PTPRK: variants seen among roughly 807,000 people sequenced by gnomAD.
PTPRK encodes the protein protein tyrosine phosphatase receptor type K, also known as receptor-type tyrosine-protein phosphatase kappa.
A neutral mutation model predicts 178.0 loss-of-function variants in PTPRK; 75 were observed. The observed-to-expected ratio is 0.42, with a 90% CI of 0.35 to 0.51. PTPRK has a LOEUF of 0.51. Among genes scored for constraint, PTPRK ranks in the 20% least tolerant of loss-of-function variants. PTPRK has a pLI of 0.02. For missense variants in PTPRK, 1,441 were observed against 1,797.8 expected (o/e 0.80, Z 3.59); for synonymous variants, 637 against 620.6 (o/e 1.03, Z -0.39).
At chr6:128,465,534 G>T (rs1205845325) in intron 1 of PTPRK, among the ~76,000 whole-genome samples, 2 of 152,070 alleles carry the variant, frequency 1.3e-5, no homozygotes, top group African/African-American at 4.8e-5. Context: ...AAGTTCCAAA[G>T]GTGAAGCTTG....
At position 128,401,753 on chromosome 6, in the gene PTPRK, A is replaced by G. The variant is rs1270999495; in HGVS notation, c.101-4065T>C. ...AAGAACAAGCTTTATTTAGCTGAAG[A>G]TATGAAGCATTTTCTTAAATTTTTG... On this transcript the variant is annotated intron_variant, in intron 1 of 29. Transcript: ENST00000368226. 2.0e-5 allele frequency among the ~76,000 whole-genome samples: 3 copies of G among 152,310 alleles called. No homozygotes were observed. In the East Asian group the frequency reaches 5.8e-4, roughly 29 times the overall value.
At chr6:128,405,558 G>T (rs17055830) in intron 1 of PTPRK, among the ~76,000 whole-genome samples, 5,664 of 152,156 alleles carry the variant, frequency 0.037, 375 homozygotes, top group African/African-American at 0.13. Flanking sequence ...ATTCTCAACT[G>T]AAGCCATATT....
chr6:127,979,201 A>T (rs1014936703), intron 25 of PTPRK, among the ~76,000 whole-genome samples: 1 of 152,170 alleles, frequency 6.6e-6, no homozygotes, highest in Non-Finnish European at 1.5e-5. Flanking sequence ...ACTTGAGCCC[A>T]GGAGATTGAG....
intron 13 of PTPRK, among the ~76,000 whole-genome samples, chr6:128,033,641 G>T (rs1370330309): frequency 6.6e-6 from 1 of 152,160 alleles, no homozygotes; most frequent in East Asian, 1.9e-4. Flanking sequence ...AGAGGCCAGG[G>T]TGAGAGGATT....
chr6:128,271,120 T>C (rs1463222830), intron 3 of PTPRK, among the ~76,000 whole-genome samples: 1 of 152,054 alleles, frequency 6.6e-6, no homozygotes, highest in African/African-American at 2.4e-5. Flanking sequence ...GGGAGGGGGA[T>C]AGAGGCTGCA....
At chr6:128,234,018 G>A (rs1382905673) in intron 5 of PTPRK, among the ~76,000 whole-genome samples, 1 of 152,164 alleles carries the variant, frequency 6.6e-6, no homozygotes, top group African/African-American at 2.4e-5. Context: ...GGCTCTATTT[G>A]ATTTACCCTG....
chr6:128,087,822 T>C (rs1786177968), intron 8 of PTPRK, among the ~76,000 whole-genome samples: 1 of 152,176 alleles, frequency 6.6e-6, no homozygotes, highest in South Asian at 2.1e-4. Context: ...CTTCAAATTT[T>C]GAGCTAAATG....
At chr6:128,067,177 GGAAGACA>G (rs1781932896) in intron 12 of PTPRK, among the ~76,000 whole-genome samples, 1 of 152,318 alleles carries the variant, frequency 6.6e-6, no homozygotes, top group African/African-American at 2.4e-5. Flanking sequence ...CACTGAGCAA[GGAAGACA>G]GAACAATGCC....
At chr6:128,471,604 T>TAAAA (rs34372021) in intron 1 of PTPRK, among the ~76,000 whole-genome samples, 8 of 63,596 alleles carry the variant, frequency 1.3e-4, no homozygotes, top group East Asian at 3.9e-4. Flanking sequence ...CAAAACAACC[T>TAAAA]AAAAAAAAAA....
At chr6:128,247,618 C>T (rs576010127) in intron 3 of PTPRK, among the ~76,000 whole-genome samples, 17 of 152,286 alleles carry the variant, frequency 1.1e-4, no homozygotes, top group African/African-American at 3.8e-4. Flanking sequence ...CACACCTGGC[C>T]TAGTTCGTAC....
chr6:128,433,412 T>C (rs972346433), intron 1 of PTPRK, among the ~76,000 whole-genome samples: 1 of 152,196 alleles, frequency 6.6e-6, no homozygotes, highest in Non-Finnish European at 1.5e-5. Context: ...TCACTTACCA[T>C]AGTGAACTCC....
intron 7 of PTPRK, 71 bp from the exon 8 acceptor site, chr6:128,090,063 A>T (rs577624744): frequency 8.1e-7 from 1 of 1,234,290 alleles, no homozygotes; most frequent in Admixed American, 1.9e-5. Context: ...ATAAAACACC[A>T]AGTATAATAT....
chr6:128,068,690 T>A (rs1782271643), intron 11 of PTPRK, among the ~76,000 whole-genome samples: 1 of 151,390 alleles, frequency 6.6e-6, no homozygotes, highest in Non-Finnish European at 1.5e-5. Flanking sequence ...TACGTTAAAA[T>A]TTTTTCAGGT....
At chr6:128,441,997 A>G (rs1846345101) in intron 1 of PTPRK, among the ~76,000 whole-genome samples, 1 of 152,200 alleles carries the variant, frequency 6.6e-6, no homozygotes, top group Non-Finnish European at 1.5e-5. Flanking sequence ...CCAAACTCAG[A>G]CCGATCTAGG....
At chr6:128,017,843 T>C (rs2114749354) in intron 13 of PTPRK, among the ~76,000 whole-genome samples, 1 of 133,952 alleles carries the variant, frequency 7.5e-6, no homozygotes, top group South Asian at 2.4e-4. Flanking sequence ...TTTGGCAGAA[T>C]AGTGAGTCCT....
chr6:128,444,232 T>C (rs902044588), intron 1 of PTPRK, among the ~76,000 whole-genome samples: 2 of 152,172 alleles, frequency 1.3e-5, no homozygotes, highest in Non-Finnish European at 2.9e-5. Context: ...AATAGCCCAA[T>C]GTTAGCAAAA....
chr6:128,195,676 T>C (rs571033535), intron 6 of PTPRK, among the ~76,000 whole-genome samples: 11 of 152,224 alleles, frequency 7.2e-5, no homozygotes, highest in African/African-American at 2.4e-4. Context: ...CAGTCATATA[T>C]AAAATTCCAC....
intron 2 of PTPRK, among the ~76,000 whole-genome samples, chr6:128,373,974 T>G (rs1260896651): frequency 6.6e-6 from 1 of 152,186 alleles, no homozygotes; most frequent in African/African-American, 2.4e-5. Context: ...GAAATACAGA[T>G]GTAGCCCCCA....
Position 128,043,259 on chromosome 6 carries a change from A to G in PTPRK, c.2194+21499T>C, listed in dbSNP as rs192425982. ...GGATTGAACATATATGATCATTTTA[A>G]CTGATGATTCTACATGGACAGTGTG... is the stretch of plus-strand genomic sequence containing the variant. On this transcript the variant is annotated intron_variant, in intron 13 of 29. Transcript: ENST00000368226. Among the ~76,000 whole-genome samples, 51 of 152,144 alleles carry G rather than the reference A, an allele frequency of 3.4e-4. No homozygotes were observed. The East Asian group carries it at 9.3e-3, about 28-fold the overall frequency.
Sources: allele counts gnomAD v4.1 joint callset (sites outside exome capture counted in the v4.1 genomes callset), GRCh38; gene constraint gnomAD v4.1.1; transcripts MANE v1.5; gene names NCBI Gene and HGNC (gene_info 2026-07-23, HGNC 2026-07-21).